The following C2orf69 variants were observed in gnomAD, a reference collection of about 807,000 sequenced individuals.
The protein encoded by C2orf69 is mitochondrial protein C2orf69.
C2orf69 carries 19 observed loss-of-function variants against 29.5 expected under a neutral mutation model. That is an observed-to-expected ratio of 0.65 (90% confidence interval 0.45 to 0.95). The LOEUF is 0.95. C2orf69 is among the 40% of genes least tolerant of loss of function. C2orf69 has a pLI of 0.00. For missense variants in C2orf69, 416 were observed against 482.1 expected (o/e 0.86, Z 1.28); for synonymous variants, 194 against 180.0 (o/e 1.08, Z -0.62).
chr2:199,918,207 C>CT (rs1271369830), intron 1 of C2orf69, among the ~76,000 whole-genome samples: 1 of 152,124 alleles, frequency 6.6e-6, no homozygotes. Context: ...TTTTGTATTT[C>CT]TTTAGGTACC....
In C2orf69 at chr2:199,911,490, C is replaced by T. The variant is rs1239293269; in HGVS notation, c.52C>T (p.Gln18Ter). 1 of 1,547,278 alleles carries T rather than the reference C, an allele frequency of 6.5e-7. No homozygotes were observed. Among genetic ancestry groups the T allele is most frequent in the South Asian group, 1.2e-5 (1 of 83,944 alleles). The stretch of plus-strand genomic sequence containing the variant: ...GCCGCCGTTGCTGCTCCTGCTGCCG[C>T]AGCTCGGAATCGGAAACGCCTCGTC... Reference protein sequence around the residue: ...RSPPLLLLLPQLGIGNASSCS... With the variant: ...RSPPLLLLLP Residue 18 changes from glutamine (Q) to a stop codon, truncating the protein, a stop_gained, in exon 1 of 2, where the codon CAG becomes TAG. Transcript: ENST00000319974. LOFTEE classifies it high-confidence loss of function.
Position 199,921,012 on chromosome 2 carries a change from T to G in C2orf69, c.334-4050T>G, listed in dbSNP as rs867436645. ...CCTTCTAGGAATTAGTTTTTTTTTT[T>G]TTTTTTTTTTTTGAGGTGGAGTCTT... On this transcript the variant is annotated intron_variant, in intron 1 of 1. Transcript: ENST00000319974. Among the ~76,000 whole-genome samples, 307 of 130,350 alleles carry G rather than the reference T, an allele frequency of 2.4e-3. 2 individuals are homozygous for G. Among genetic ancestry groups the G allele is most frequent in the African/African-American group, 8.4e-3 (296 of 35,208 alleles). The allele number at this position is 130,350 out of a possible 152,430, so 85.5% of individuals were successfully genotyped here.
At chr2:199,916,084 C>A (rs2077291658) in intron 1 of C2orf69, among the ~76,000 whole-genome samples, 1 of 152,138 alleles carries the variant, frequency 6.6e-6, no homozygotes, top group Admixed American at 6.6e-5. Flanking sequence ...GGAAAGAGGT[C>A]TAATTGAATC....
chr2:199,917,141 G>A (rs1035096311), intron 1 of C2orf69, among the ~76,000 whole-genome samples: 1 of 152,212 alleles, frequency 6.6e-6, no homozygotes, highest in African/African-American at 2.4e-5. Context: ...TGAGCTATCC[G>A]TTGGCCCATT....
chr2:199,912,948 G>A (rs971806510), intron 1 of C2orf69, among the ~76,000 whole-genome samples: 1 of 151,018 alleles, frequency 6.6e-6, no homozygotes, highest in Non-Finnish European at 1.5e-5. Flanking sequence ...GCCTACATGT[G>A]TTTCTTATAC....
chr2:199,914,309 T>G (rs1411435887), intron 1 of C2orf69, among the ~76,000 whole-genome samples: 3 of 152,210 alleles, frequency 2.0e-5, no homozygotes, highest in African/African-American at 7.2e-5. Flanking sequence ...TTTGGATATT[T>G]AATAGATATC....
chr2:199,924,514 G>A (rs2077328614), intron 1 of C2orf69, among the ~76,000 whole-genome samples: 1 of 152,148 alleles, frequency 6.6e-6, no homozygotes, highest in Non-Finnish European at 1.5e-5. Flanking sequence ...GGAATTTAAG[G>A]ATATAATCAC....
chr2:199,915,983 T>A (rs1437355916), intron 1 of C2orf69, among the ~76,000 whole-genome samples: 1 of 152,216 alleles, frequency 6.6e-6, no homozygotes, highest in Admixed American at 6.5e-5. Flanking sequence ...TTTTCCTTTA[T>A]CATTTGAATT....
At position 199,919,647 on chromosome 2, in the gene C2orf69, C is replaced by T. The variant is rs561031016; in HGVS notation, c.334-5415C>T. The stretch of plus-strand genomic sequence containing the variant: ...TGGAAGGCAGAAGGGCAAGAGAGCA[C>T]TAGGGAGTGGAGGAGGGGAAGGAGA... On this transcript the variant is annotated intron_variant, in intron 1 of 1. Transcript: ENST00000319974. 4.0e-3 allele frequency among the ~76,000 whole-genome samples: 607 copies of T among 152,244 alleles called. 9 individuals are homozygous for T. The highest frequency in any genetic ancestry group is 2.3e-3 in the Non-Finnish European group (159 of 68,012).
chr2:199,919,402 G>C (rs935032930), intron 1 of C2orf69, among the ~76,000 whole-genome samples: 2 of 152,182 alleles, frequency 1.3e-5, no homozygotes, highest in African/African-American at 4.8e-5. Context: ...ATCTATAGAC[G>C]ATCATGCCCT....
At chr2:199,918,717 G>T (rs921943424) in intron 1 of C2orf69, among the ~76,000 whole-genome samples, 1 of 152,108 alleles carries the variant, frequency 6.6e-6, no homozygotes, top group Non-Finnish European at 1.5e-5. Flanking sequence ...TTGGAATTAT[G>T]TAACCACCAA....
At chr2:199,912,321 T>A (rs1234538722) in intron 1 of C2orf69, among the ~76,000 whole-genome samples, 1 of 152,244 alleles carries the variant, frequency 6.6e-6, no homozygotes, top group African/African-American at 2.4e-5. Context: ...TTTGTACTTT[T>A]GCTTTTGCAT....
At chr2:199,922,780 T>G (rs537236911) in intron 1 of C2orf69, among the ~76,000 whole-genome samples, 1 of 152,304 alleles carries the variant, frequency 6.6e-6, no homozygotes, top group Admixed American at 6.5e-5. Context: ...TTATCAGGAT[T>G]ATATTTCAGT....
At chr2:199,916,250 A>G (rs1241903051) in intron 1 of C2orf69, among the ~76,000 whole-genome samples, 2 of 152,176 alleles carry the variant, frequency 1.3e-5, no homozygotes, top group Admixed American at 6.5e-5. Flanking sequence ...ACTCAGTATT[A>G]TGAGAACAGC....
Position 199,911,516 on chromosome 2 carries a change from C to G in C2orf69, c.78C>G (p.Ser26=), listed in dbSNP as rs536354517. 2.5e-5 allele frequency: 39 copies of G among 1,549,460 alleles called. No individual in the cohort carries two copies. The South Asian group carries it at 3.1e-4, about 12-fold the overall frequency. Residue 26 remains serine, a synonymous_variant, in exon 1 of 2, where the codon TCC becomes TCG. Transcript: ENST00000319974. The part of the protein sequence containing the change: ...LPQLGIGNAS[S]CSQARTMNPG... ...AGCTCGGAATCGGAAACGCCTCGTC[C>G]TGCTCTCAGGCCAGAACCATGAACC...
intron 1 of C2orf69, among the ~76,000 whole-genome samples, chr2:199,923,610 G>A (rs771349603): frequency 2.0e-5 from 3 of 152,026 alleles, no homozygotes; most frequent in Admixed American, 6.6e-5. Flanking sequence ...CTATAAGTAC[G>A]AAATACACAC....
At position 199,925,109 on chromosome 2, in the gene C2orf69, A is replaced by G. The variant is rs905441673; in HGVS notation, c.381A>G (p.Glu127=). 1.2e-6 allele frequency: 2 copies of G among 1,612,846 alleles called. No homozygotes were observed. Among genetic ancestry groups the G allele is most frequent in the Non-Finnish European group, 1.7e-6 (2 of 1,179,142 alleles). ...MTRHPENYQW[E]NWSLENVATI... ...GTCATCCTGAGAATTATCAATGGGA[A>G]AACTGGAGTCTAGAAAATGTTGCTA... The change falls in exon 2 of 2, where the codon GAA becomes GAG. Residue 127 remains glutamate, a synonymous_variant. Transcript: ENST00000319974. The surrounding 1 kb of genome is among the most constrained non-coding windows in gnomAD (Gnocchi z 4.9).
intron 1 of C2orf69, among the ~76,000 whole-genome samples, chr2:199,920,384 G>A (rs889714225): frequency 5.9e-5 from 9 of 151,882 alleles, no homozygotes; most frequent in African/African-American, 2.2e-4. Context: ...TCCTCTAATC[G>A]TGGAACCTGG....
chr2:199,921,070 G>A (rs1248761110), intron 1 of C2orf69, among the ~76,000 whole-genome samples: 4 of 137,192 alleles, frequency 2.9e-5, no homozygotes, highest in African/African-American at 5.4e-5. Flanking sequence ...GCAGTGGCGC[G>A]GTCTTGGCTC....
Sources: gnomAD v4.1 joint callset for allele counts (sites outside exome capture counted in the v4.1 genomes callset) on GRCh38, gnomAD v4.1.1 for gene constraint, Gnocchi (gnomAD v3.1) non-coding constraint, MANE v1.5 for transcripts, NCBI Gene and HGNC (gene_info 2026-07-23, HGNC 2026-07-21) for gene names.